The following STT3B variants were observed in gnomAD, a reference collection of about 807,000 sequenced individuals.
STT3B encodes the protein dolichyl-diphosphooligosaccharide--protein glycosyltransferase subunit STT3B.
STT3B carries 29 observed loss-of-function variants against 96.8 expected under a neutral mutation model. The observed-to-expected ratio is 0.30, with a 90% CI of 0.22 to 0.41. The LOEUF is 0.41. Among genes scored for constraint, STT3B ranks in the 10% least tolerant of loss-of-function variants. STT3B has a pLI of 1.00. For synonymous variants in STT3B, 367 were observed against 360.0 expected (o/e 1.02, Z -0.22); for missense variants, 640 against 1,022.3 (o/e 0.63, Z 5.10).
chr3:31,567,809 A>G (rs1440703542), intron 1 of STT3B, among the ~76,000 whole-genome samples: 3 of 152,152 alleles, frequency 2.0e-5, no homozygotes, highest in Non-Finnish European at 2.9e-5. Context: ...GGTAATTGGC[A>G]TAGTCATCAC....
chr3:31,533,417 G>T, intron 1 of STT3B, 105 bp downstream of exon 1: 3 of 1,269,356 alleles, frequency 2.4e-6, no homozygotes, highest in Non-Finnish European at 3.0e-6. Flanking sequence ...CCGCCGCGGA[G>T]CCCCGCTCGC....
At chr3:31,558,301 G>A (rs1218752717) in intron 1 of STT3B, among the ~76,000 whole-genome samples, 1 of 152,152 alleles carries the variant, frequency 6.6e-6, no homozygotes, top group Non-Finnish European at 1.5e-5. Flanking sequence ...TCAGCATGAT[G>A]TTAGCTCTGG....
chr3:31,603,065 G>A (rs1307777299), intron 5 of STT3B, among the ~76,000 whole-genome samples: 1 of 151,910 alleles, frequency 6.6e-6, no homozygotes, highest in African/African-American at 2.4e-5. Context: ...AACATCCTTT[G>A]TCTTTTGTTC....
At chr3:31,631,808 G>A (rs1327870086) in intron 14 of STT3B, among the ~76,000 whole-genome samples, 2 of 151,946 alleles carry the variant, frequency 1.3e-5, no homozygotes, top group African/African-American at 4.8e-5. Context: ...GGAAAAAAAA[G>A]TTGAATTTAC....
chr3:31,633,532 C>G (rs1374507803), intron 15 of STT3B, among the ~76,000 whole-genome samples: 1 of 152,128 alleles, frequency 6.6e-6, no homozygotes, highest in African/African-American at 2.4e-5. Context: ...TATGATGTTA[C>G]TCTATTATTC....
intron 14 of STT3B, among the ~76,000 whole-genome samples, chr3:31,630,577 G>C (rs1699633468): frequency 6.6e-6 from 1 of 152,122 alleles, no homozygotes; most frequent in Non-Finnish European, 1.5e-5. Flanking sequence ...TCTGTCCTTT[G>C]TTATAAGTGT....
intron 5 of STT3B, among the ~76,000 whole-genome samples, chr3:31,611,355 G>C (rs997628191): frequency 1.3e-5 from 2 of 152,110 alleles, no homozygotes; most frequent in Non-Finnish European, 2.9e-5. Context: ...ATCTTAATGG[G>C]ATTTTCTGTT....
intron 1 of STT3B, among the ~76,000 whole-genome samples, chr3:31,551,748 A>G (rs892643148): frequency 3.3e-5 from 5 of 152,236 alleles, no homozygotes; most frequent in African/African-American, 1.2e-4. Flanking sequence ...AGTGATAGAC[A>G]GAGTCTAGGG....
intron 13 of STT3B, among the ~76,000 whole-genome samples, chr3:31,627,588 A>G (rs984449601): frequency 2.6e-5 from 4 of 152,254 alleles, no homozygotes; most frequent in Admixed American, 6.5e-5. Flanking sequence ...GAATAAAGGA[A>G]TCTTTTGGGA....
Position 31,532,978 on chromosome 3 carries a change from G to C in STT3B, c.-21G>C, listed in dbSNP as rs772786328. 1.9e-6 allele frequency: 3 copies of C among 1,579,312 alleles called. No individual in the cohort carries two copies. In the South Asian group the frequency reaches 3.4e-5, roughly 18 times the overall value. ...CGGCGGCGGCGGAGGAGGAGAGCTA[G>C]ACCCGCCGCCGGGGCACAACATGGC... On this transcript the variant is annotated 5_prime_UTR_variant, in exon 1 of 16. Transcript: ENST00000295770.
At chr3:31,538,055 T>C (rs1357749574) in intron 1 of STT3B, among the ~76,000 whole-genome samples, 1 of 152,178 alleles carries the variant, frequency 6.6e-6, no homozygotes, top group Non-Finnish European at 1.5e-5. Flanking sequence ...TCAACAGACC[T>C]ATTGCTAAAC....
At position 31,533,036 on chromosome 3, in the gene STT3B, C is replaced by A; in HGVS notation, c.38C>A (p.Ser13Ter). 1 of 1,587,506 alleles carries A rather than the reference C, an allele frequency of 6.3e-7. No homozygotes were observed. Among genetic ancestry groups the A allele is most frequent in the South Asian group, 1.1e-5 (1 of 89,946 alleles). The change falls in exon 1 of 16, where the codon TCG (serine) becomes TAG (stop). Residue 13 changes from serine to a stop codon, truncating the protein, a stop_gained. Coordinates refer to ENST00000295770, the MANE Select transcript of STT3B (RefSeq NM_178862.3). LOFTEE classifies it high-confidence loss of function. Reference protein sequence around the residue: ...EPSAPESKHKSSLNSSPWSGL... With the variant: ...EPSAPESKHK ...TCGGCCCCGGAGAGCAAGCACAAGT[C>A]GTCCCTCAACTCGTCCCCGTGGAGT...
At chr3:31,626,186 T>C (rs907513107) in intron 13 of STT3B, 59 bp downstream of exon 13, 9 of 1,447,246 alleles carry the variant, frequency 6.2e-6, no homozygotes, top group African/African-American at 5.6e-5. Context: ...CTCGTAATTC[T>C]CTCATCTTGC....
chr3:31,568,061 C>A (rs1236900537), intron 1 of STT3B, among the ~76,000 whole-genome samples: 3 of 151,732 alleles, frequency 2.0e-5, no homozygotes, highest in Admixed American at 2.0e-4. Flanking sequence ...TCCATGAGTT[C>A]AATTGTGTTA....
intron 1 of STT3B, among the ~76,000 whole-genome samples, chr3:31,534,140 A>G (rs987978491): frequency 6.6e-6 from 1 of 152,184 alleles, no homozygotes; most frequent in Non-Finnish European, 1.5e-5. Context: ...TATGCACAGT[A>G]TCTGAAAGCA....
intron 1 of STT3B, among the ~76,000 whole-genome samples, chr3:31,535,521 C>T (rs1377159546): frequency 6.6e-6 from 1 of 151,964 alleles, no homozygotes; most frequent in East Asian, 1.9e-4. Flanking sequence ...GTCAGGAGTT[C>T]GAGACCAGCC....
At chr3:31,572,500 A>G (rs1698182096) in intron 1 of STT3B, among the ~76,000 whole-genome samples, 1 of 152,122 alleles carries the variant, frequency 6.6e-6, no homozygotes, top group African/African-American at 2.4e-5. Flanking sequence ...TTTTGTGTTC[A>G]TTGAAACAAT....
chr3:31,620,912 A>G (rs926845695), intron 9 of STT3B, among the ~76,000 whole-genome samples: 2 of 152,144 alleles, frequency 1.3e-5, no homozygotes, highest in African/African-American at 4.8e-5. Flanking sequence ...TCTCTAGGTT[A>G]ATGGATCCTG....
intron 3 of STT3B, among the ~76,000 whole-genome samples, chr3:31,581,138 A>T (rs1408126147): frequency 2.0e-5 from 3 of 152,166 alleles, no homozygotes; most frequent in Non-Finnish European, 4.4e-5. Context: ...AGTACAAATC[A>T]TACTATGTCT....
Sources: gnomAD v4.1 joint callset for allele counts (sites outside exome capture counted in the v4.1 genomes callset) on GRCh38, gnomAD v4.1.1 for gene constraint, MANE v1.5 for transcripts, NCBI Gene and HGNC (gene_info 2026-07-23, HGNC 2026-07-21) for gene names.